The following RPS6KC1 variants were observed in gnomAD, a reference collection of about 807,000 sequenced individuals.
RPS6KC1 encodes inactive ribosomal protein S6 kinase delta-1.
In RPS6KC1, 54 loss-of-function variants were observed where a neutral mutation model predicts 103.8. The ratio of observed to expected loss-of-function variants is 0.52; its 90% CI spans 0.42 to 0.65. RPS6KC1 has a LOEUF of 0.65. Among genes scored for constraint, RPS6KC1 ranks in the 30% least tolerant of loss-of-function variants. The pLI is 0.00. For synonymous variants in RPS6KC1, 439 were observed against 438.7 expected, an observed-to-expected ratio of 1.00 and a Z score of -0.01; for missense variants, 1,151 against 1,253.8, an observed-to-expected ratio of 0.92 and a Z score of 1.24.
the RPS6KC1 span, among the ~76,000 whole-genome samples, chr1:213,836,923 C>T: frequency 2.8e-4 from 43 of 152,296 alleles, no homozygotes; most frequent in Admixed American, 5.2e-4. Context: ...TATTTTACCC[C>T]GTTTGCTTTA....
At chr1:213,351,604 C>T in the RPS6KC1 span, among the ~76,000 whole-genome samples, 1 of 152,252 alleles carries the variant, frequency 6.6e-6, no homozygotes, top group South Asian at 2.1e-4. Flanking sequence ...ATGCTATAGT[C>T]ATGACACGTG....
At chr1:213,642,442 G>A in the RPS6KC1 span, among the ~76,000 whole-genome samples, 4 of 151,960 alleles carry the variant, frequency 2.6e-5, no homozygotes, top group Admixed American at 6.6e-5. Context: ...AATATCACAC[G>A]TTCTTTTCTG....
the RPS6KC1 span, among the ~76,000 whole-genome samples, chr1:213,848,715 C>T: frequency 6.6e-6 from 1 of 152,134 alleles, no homozygotes; most frequent in African/African-American, 2.4e-5. Flanking sequence ...ATATTGTCCA[C>T]ACTTCAATAA....
intron 7 of RPS6KC1, among the ~76,000 whole-genome samples, chr1:213,175,279 A>G (rs568570221): frequency 6.6e-6 from 1 of 152,328 alleles, no homozygotes; most frequent in African/African-American, 2.4e-5. Context: ...TCTATTCTCA[A>G]GGAGCTGCCT....
chr1:213,478,230 C>G, the RPS6KC1 span, among the ~76,000 whole-genome samples: 1 of 152,060 alleles, frequency 6.6e-6, no homozygotes, highest in Non-Finnish European at 1.5e-5. Context: ...ATTCCATTGT[C>G]CGAATGTACC....
chr1:213,307,107 G>A, the RPS6KC1 span, among the ~76,000 whole-genome samples: 2 of 141,262 alleles, frequency 1.4e-5, no homozygotes, highest in Non-Finnish European at 3.0e-5. Flanking sequence ...CTGTTGCCCA[G>A]GCTGGAGTGC....
At chr1:213,554,020 C>A in the RPS6KC1 span, among the ~76,000 whole-genome samples, 1 of 151,994 alleles carries the variant, frequency 6.6e-6, no homozygotes, top group Non-Finnish European at 1.5e-5. Flanking sequence ...TTTGCAAAAG[C>A]TCTTTAATTA....
intron 8 of RPS6KC1, among the ~76,000 whole-genome samples, chr1:213,208,233 A>G (rs916027142): frequency 6.6e-6 from 1 of 152,072 alleles, no homozygotes; most frequent in African/African-American, 2.4e-5. Context: ...GGATTCTTTC[A>G]TTATTCTGCT....
chr1:213,463,676 G>T, the RPS6KC1 span, among the ~76,000 whole-genome samples: 2 of 152,142 alleles, frequency 1.3e-5, no homozygotes, highest in South Asian at 4.2e-4. Flanking sequence ...TTGCCCTCAA[G>T]AGTTGGCCAA....
chr1:213,200,167 G>A (rs1307156013), intron 8 of RPS6KC1, among the ~76,000 whole-genome samples: 1 of 152,090 alleles, frequency 6.6e-6, no homozygotes. Flanking sequence ...AAAGGAACCT[G>A]AATAGCTAAG....
intron 1 of RPS6KC1, among the ~76,000 whole-genome samples, 174 bp from the exon 2 acceptor site, chr1:213,070,832 A>C (rs1202209454): frequency 2.6e-5 from 4 of 152,258 alleles, no homozygotes; most frequent in Non-Finnish European, 5.9e-5. Context: ...ATTTAACAGT[A>C]TGAATTTCAG....
Position 213,117,405 on chromosome 1 carries a change from C to G in RPS6KC1, c.467C>G (p.Thr156Arg), listed in dbSNP as rs768174092. 6.3e-7 allele frequency: 1 copy of G among 1,589,260 alleles called. No individual in the cohort carries two copies. Among genetic ancestry groups the G allele is most frequent in the South Asian group, 1.1e-5 (1 of 89,442 alleles). Residue 156 changes from threonine to arginine, a missense_variant, in exon 5 of 15, where the codon ACG (threonine) becomes AGG (arginine). This residue lies in a region of RPS6KC1 where 959 missense variants were observed against 1,006.3 expected (regional missense o/e 0.95). Coordinates refer to ENST00000366960, the MANE Select transcript of RPS6KC1 (RefSeq NM_012424.6). ...ATTGATACCTTTCCTGAGTGTAGTACGGAAGGTAAGAGATTTTAATTTTTT... is the reference window on the plus strand; with the variant it reads ...ATTGATACCTTTCCTGAGTGTAGTAGGGAAGGTAAGAGATTTTAATTTTTT... ...SLIDTFPECS[T>R]EGFSSDSDLV...
chr1:213,688,195 G>A, the RPS6KC1 span, among the ~76,000 whole-genome samples: 1 of 152,158 alleles, frequency 6.6e-6, no homozygotes. Context: ...TAGAAAGGAA[G>A]TAGTTCTTCC....
chr1:213,440,529 CT>C, the RPS6KC1 span, among the ~76,000 whole-genome samples: 2 of 142,864 alleles, frequency 1.4e-5, no homozygotes, highest in African/African-American at 5.1e-5. Context: ...AATCATAAAG[CT>C]GTTTTTGTGC....
the RPS6KC1 span, among the ~76,000 whole-genome samples, chr1:213,323,436 C>G: frequency 6.6e-6 from 1 of 152,166 alleles, no homozygotes; most frequent in Admixed American, 6.5e-5. Flanking sequence ...ATGTATCCAG[C>G]TGCCACACAT....
the RPS6KC1 span, among the ~76,000 whole-genome samples, chr1:213,800,587 C>T: frequency 6.6e-6 from 1 of 152,070 alleles, no homozygotes; most frequent in South Asian, 2.1e-4. Context: ...ACTGTGCTGT[C>T]CCATACGTAG....
At chr1:213,197,393 A>T (rs1401984375) in intron 8 of RPS6KC1, among the ~76,000 whole-genome samples, 7 of 152,160 alleles carry the variant, frequency 4.6e-5, no homozygotes, top group African/African-American at 1.7e-4. Flanking sequence ...CATATTCACA[A>T]TATTCATTCT....
the RPS6KC1 span, among the ~76,000 whole-genome samples, chr1:213,346,476 T>C: frequency 6.6e-6 from 1 of 152,102 alleles, no homozygotes; most frequent in Admixed American, 6.5e-5. Context: ...GTCAAGTTCA[T>C]AAATGAAGAT....
At chr1:213,686,412 C>T in the RPS6KC1 span, among the ~76,000 whole-genome samples, 1 of 152,124 alleles carries the variant, frequency 6.6e-6, no homozygotes, top group Non-Finnish European at 1.5e-5. Context: ...CACCCATCGA[C>T]CCAGGTGAAC....
Sources: gnomAD v4.1 joint callset for allele counts (sites outside exome capture counted in the v4.1 genomes callset) on GRCh38, gnomAD v4.1.1 for gene constraint, gnomAD v4.1.1 regional missense constraint, MANE v1.5 for transcripts, NCBI Gene and HGNC (gene_info 2026-07-23, HGNC 2026-07-21) for gene names.